Variants in ATF6 observed in about 807,000 individuals in gnomAD.
ATF6 encodes activating transcription factor 6.
ATF6 carries 53 observed loss-of-function variants against 83.6 expected under a neutral mutation model. The observed-to-expected ratio is 0.63, with a 90% CI of 0.51 to 0.80. The LOEUF is 0.80. Among genes scored for constraint, ATF6 ranks in the 30% least tolerant of loss-of-function variants. ATF6 has a pLI of 0.00. For missense variants in ATF6, 744 were observed against 797.9 expected, an observed-to-expected ratio of 0.93 and a Z score of 0.81; for synonymous variants, 288 against 285.8, an observed-to-expected ratio of 1.01 and a Z score of -0.08.
chr1:161,785,942 T>G (rs1239305227), intron 4 of ATF6, among the ~76,000 whole-genome samples: 3 of 152,062 alleles, frequency 2.0e-5, no homozygotes, highest in African/African-American at 7.3e-5. Context: ...GCATTTCTTT[T>G]TAAAAAATGA....
At chr1:161,821,684 A>G (rs1025253592) in intron 9 of ATF6, among the ~76,000 whole-genome samples, 3 of 152,158 alleles carry the variant, frequency 2.0e-5, no homozygotes, top group Non-Finnish European at 4.4e-5. Flanking sequence ...GGCTAGATAT[A>G]TGGTTAGAAG....
At chr1:161,883,282 C>T (rs1203199866) in intron 14 of ATF6, among the ~76,000 whole-genome samples, 3 of 151,898 alleles carry the variant, frequency 2.0e-5, no homozygotes, top group Non-Finnish European at 4.4e-5. Context: ...AGAAAGATAG[C>T]TAGAATCTCT....
chr1:161,786,447 C>T (rs1184225619), intron 4 of ATF6, among the ~76,000 whole-genome samples: 1 of 151,774 alleles, frequency 6.6e-6, no homozygotes, highest in Non-Finnish European at 1.5e-5. Flanking sequence ...GTTTATTTTT[C>T]CCCAGGTGTA....
chr1:161,948,336 T>C (rs1016987222), intron 15 of ATF6, among the ~76,000 whole-genome samples: 1 of 152,200 alleles, frequency 6.6e-6, no homozygotes, highest in African/African-American at 2.4e-5. Context: ...CTTTATCCCA[T>C]CTTTTCCAGA....
At chr1:161,829,488 A>C (rs971366622) in intron 9 of ATF6, among the ~76,000 whole-genome samples, 16 of 152,186 alleles carry the variant, frequency 1.1e-4, no homozygotes, top group African/African-American at 3.9e-4. Flanking sequence ...CTTATTCCAA[A>C]ATTGACCACA....
intron 7 of ATF6, among the ~76,000 whole-genome samples, chr1:161,815,265 C>T (rs1230560886): frequency 6.9e-6 from 1 of 144,444 alleles, no homozygotes. Context: ...GATCATGGCT[C>T]ACTGCAGCCT....
At chr1:161,770,042 C>G (rs1684349906) in intron 1 of ATF6, among the ~76,000 whole-genome samples, 2 of 152,076 alleles carry the variant, frequency 1.3e-5, no homozygotes, top group South Asian at 4.1e-4. Flanking sequence ...GTTTCACTGC[C>G]CTAAAAAAGC....
chr1:161,850,262 T>C (rs1686584536), intron 10 of ATF6, among the ~76,000 whole-genome samples: 2 of 152,178 alleles, frequency 1.3e-5, no homozygotes, highest in South Asian at 4.1e-4. Flanking sequence ...TATGATTCCT[T>C]TCCAGCCTCA....
intron 14 of ATF6, among the ~76,000 whole-genome samples, chr1:161,871,328 GA>G (rs902082712): frequency 2.1e-4 from 32 of 151,396 alleles, no homozygotes; most frequent in African/African-American, 7.2e-4. Context: ...AAGTTACTTT[GA>G]AAAAAGGCAG....
chr1:161,811,198 T>C (rs889765448), intron 7 of ATF6, among the ~76,000 whole-genome samples: 1 of 151,962 alleles, frequency 6.6e-6, no homozygotes, highest in Non-Finnish European at 1.5e-5. Context: ...CGAAGAAGAG[T>C]GGTAAATTTT....
chr1:161,820,762 C>CAT (rs1571160600), intron 8 of ATF6, among the ~76,000 whole-genome samples: 2 of 151,874 alleles, frequency 1.3e-5, no homozygotes, highest in South Asian at 4.2e-4. Flanking sequence ...AATATATATA[C>CAT]ATATATATAT....
intron 7 of ATF6, among the ~76,000 whole-genome samples, chr1:161,817,069 A>G (rs1203322721): frequency 1.3e-5 from 2 of 152,220 alleles, no homozygotes; most frequent in Non-Finnish European, 2.9e-5. Context: ...TATGGGAAGA[A>G]ATGAATATTT....
chr1:161,879,993 G>T (rs922437934), intron 14 of ATF6, among the ~76,000 whole-genome samples: 4 of 152,002 alleles, frequency 2.6e-5, no homozygotes, highest in Non-Finnish European at 4.4e-5. Context: ...CTTATCTTGG[G>T]TATCTGCCCT....
Position 161,853,304 on chromosome 1 carries a change from A to C in ATF6, c.1514A>C (p.Gln505Pro), listed in dbSNP as rs1240443216. ...TCAAGAAGAATGACAAATAATCAACAGAAAACCCGTATTCTTCAGGTATGT... is the reference window on the plus strand; with the variant it reads ...TCAAGAAGAATGACAAATAATCAACCGAAAACCCGTATTCTTCAGGTATGT... ...TKSRRMTNNQ[Q>P]KTRILQGALE... is the part of the protein sequence containing the mutation. Residue 505 changes from glutamine to proline, a missense_variant, in exon 12 of 16, where the codon CAG becomes CCG. Transcript: ENST00000367942. The C allele has an allele frequency of 1.9e-6, 3 of 1,613,088 alleles. No individual in the cohort carries two copies. The Admixed American group carries it at 5.0e-5, about 27-fold the overall frequency.
In ATF6 at chr1:161,961,034, A is replaced by G. The variant is rs1401472818; in HGVS notation, c.*2380A>G. The G allele has an allele frequency of 6.6e-6, 1 of 152,172 alleles. No individual in the cohort carries two copies. Among genetic ancestry groups the G allele is most frequent in the Non-Finnish European group, 1.5e-5 (1 of 68,038 alleles). 9.4% of individuals were successfully genotyped at this position (152,172 alleles called of 1,614,324 possible). ...CCTCTCTGTGACAGAATCACAGGAG[A>G]AGGACCCATCTCGTGGCCTTCTTGT... On this transcript the variant is annotated 3_prime_UTR_variant, in exon 16 of 16. Coordinates refer to ENST00000367942, the MANE Select transcript of ATF6 (RefSeq NM_007348.4).
chr1:161,943,865 C>T (rs535310187), intron 15 of ATF6, among the ~76,000 whole-genome samples: 2 of 152,216 alleles, frequency 1.3e-5, no homozygotes, highest in South Asian at 4.1e-4. Context: ...CATTTTCAAA[C>T]ATACTGTGTA....
At chr1:161,887,695 A>G (rs1687456133) in intron 14 of ATF6, among the ~76,000 whole-genome samples, 1 of 152,238 alleles carries the variant, frequency 6.6e-6, no homozygotes, top group African/African-American at 2.4e-5. Context: ...GGTTCTATAA[A>G]TGGAATTCAC....
At chr1:161,904,530 G>A (rs1437403926) in intron 14 of ATF6, among the ~76,000 whole-genome samples, 1 of 152,124 alleles carries the variant, frequency 6.6e-6, no homozygotes, top group African/African-American at 2.4e-5. Flanking sequence ...AGAGTTTGCA[G>A]TGAGCTGAGA....
chr1:161,956,811 A>G (rs562279857), intron 15 of ATF6, among the ~76,000 whole-genome samples: 16 of 152,406 alleles, frequency 1.0e-4, no homozygotes, highest in African/African-American at 3.4e-4. Flanking sequence ...TGGATTTAAA[A>G]TAGAATATAT....
Sources: gnomAD v4.1 joint callset for allele counts (sites outside exome capture counted in the v4.1 genomes callset) on GRCh38, gnomAD v4.1.1 for gene constraint, MANE v1.5 for transcripts, NCBI Gene and HGNC (gene_info 2026-07-23, HGNC 2026-07-21) for gene names.